The following WDPCP variants were observed in gnomAD, a reference collection of about 807,000 sequenced individuals.
WDPCP encodes WD repeat containing planar cell polarity effector.
WDPCP carries 71 observed loss-of-function variants against 93.1 expected under a neutral mutation model. The observed-to-expected ratio is 0.76, with a 90% confidence interval of 0.63 to 0.93. WDPCP has a LOEUF of 0.93. Among genes scored for constraint, WDPCP ranks in the 40% least tolerant of loss-of-function variants. The pLI, the probability that WDPCP is intolerant of heterozygous loss-of-function variation, is 0.00. For missense variants in WDPCP, 844 were observed against 887.4 expected (o/e 0.95, Z 0.62); for synonymous variants, 315 against 315.0 (o/e 1.00, Z 0.00).
At chr2:63,509,556 A>AGT (rs1702094340) in intron 1 of WDPCP, among the ~76,000 whole-genome samples, 2 of 152,202 alleles carry the variant, frequency 1.3e-5, no homozygotes, top group African/African-American at 2.4e-5. Flanking sequence ...AAAAGCTAAC[A>AGT]GAAGACAAGA....
intron 2 of WDPCP, among the ~76,000 whole-genome samples, chr2:63,666,857 G>C (rs1421345894): frequency 6.6e-6 from 1 of 152,104 alleles, no homozygotes; most frequent in African/African-American, 2.4e-5. Flanking sequence ...GGAGAATCAA[G>C]GAAATCAGCA....
At chr2:63,535,476 G>A (rs1051851372) in intron 1 of WDPCP, among the ~76,000 whole-genome samples, 69 of 152,330 alleles carry the variant, frequency 4.5e-4, no homozygotes, top group African/African-American at 1.5e-3. Context: ...CAAGGCTACG[G>A]TAACCAAAAC....
intron 3 of WDPCP, among the ~76,000 whole-genome samples, chr2:63,615,322 C>T (rs1251354404): frequency 1.3e-5 from 2 of 152,116 alleles, no homozygotes; most frequent in African/African-American, 4.8e-5. Context: ...TGCCTGCAGC[C>T]GCACCAACAA....
At chr2:63,362,274 T>TTG (rs764194233) in intron 12 of WDPCP, among the ~76,000 whole-genome samples, 1 of 57,976 alleles carries the variant, frequency 1.7e-5, no homozygotes, top group Non-Finnish European at 3.2e-5. Flanking sequence ...TTTTTTTTTT[T>TTG]GGTTGTGTGT....
chr2:63,658,458 G>A (rs908594729), intron 2 of WDPCP, among the ~76,000 whole-genome samples: 1 of 152,138 alleles, frequency 6.6e-6, no homozygotes, highest in Non-Finnish European at 1.5e-5. Flanking sequence ...TATGCAGAAA[G>A]ATCAGTAGTT....
At chr2:63,508,958 A>T (rs1702054522) in intron 1 of WDPCP, among the ~76,000 whole-genome samples, 2 of 152,170 alleles carry the variant, frequency 1.3e-5, no homozygotes, top group Non-Finnish European at 2.9e-5. Flanking sequence ...CTACAAAGAG[A>T]CTTAGACTCC....
In WDPCP at chr2:63,439,776, G is replaced by A. The variant is rs768777510; in HGVS notation, c.480C>T (p.Ile160=). The change falls in exon 7 of 18, where the codon ATC becomes ATT. Residue 160 remains isoleucine, a synonymous_variant. Coordinates refer to ENST00000272321, the MANE Select transcript of WDPCP (RefSeq NM_015910.7). ...AATTACCATCACTGATGGTGTCTGA[G>A]ATGAGCTTCCCCACCAGGCTTCTGT... is the stretch of plus-strand genomic sequence containing the variant. ...VIDRSLVGKL[I]SDTISDALLT... The A allele has an allele frequency of 9.5e-5, 154 of 1,613,028 alleles. No individual in the cohort carries two copies. The highest frequency in any genetic ancestry group is 1.0e-5 in the Non-Finnish European group (12 of 1,179,302).
intron 12 of WDPCP, among the ~76,000 whole-genome samples, chr2:63,322,367 A>G (rs1287184000): frequency 6.6e-6 from 1 of 152,184 alleles, no homozygotes; most frequent in Non-Finnish European, 1.5e-5. Context: ...GTCCCCTTCC[A>G]TGCTGTGGAA....
At chr2:63,219,980 C>A (rs973443813) in intron 14 of WDPCP, among the ~76,000 whole-genome samples, 1 of 151,508 alleles carries the variant, frequency 6.6e-6, no homozygotes, top group Non-Finnish European at 1.5e-5. Flanking sequence ...CCAGCCTGGG[C>A]GACAGAGTGA....
chr2:63,681,845 C>A (rs28775973), intron 2 of WDPCP, among the ~76,000 whole-genome samples: 1 of 152,170 alleles, frequency 6.6e-6, no homozygotes, highest in Non-Finnish European at 1.5e-5. Flanking sequence ...CAGAGAGAGA[C>A]CCTCCCTTTG....
chr2:63,418,722 A>G (rs1213990500), intron 9 of WDPCP, among the ~76,000 whole-genome samples: 1 of 152,234 alleles, frequency 6.6e-6, no homozygotes, highest in Non-Finnish European at 1.5e-5. Flanking sequence ...TAAGAAGGGG[A>G]AAAACAGTAT....
chr2:63,527,593 C>A (rs998049511), intron 1 of WDPCP, among the ~76,000 whole-genome samples: 2 of 151,912 alleles, frequency 1.3e-5, no homozygotes, highest in Non-Finnish European at 2.9e-5. Context: ...TGTATATGTG[C>A]CACATTTTCT....
At chr2:63,178,879 C>T (rs1037306154) in intron 14 of WDPCP, among the ~76,000 whole-genome samples, 1 of 152,076 alleles carries the variant, frequency 6.6e-6, no homozygotes, top group Non-Finnish European at 1.5e-5. Context: ...CACTGCGTCT[C>T]ACAAGTTTGG....
chr2:63,643,331 C>G (rs1368283291), intron 3 of WDPCP: 1 of 387,702 alleles, frequency 2.6e-6, no homozygotes, highest in Non-Finnish European at 4.9e-6. Flanking sequence ...AGGCAGATAC[C>G]CTTTCCTCAG....
At chr2:63,593,862 T>C (rs1709250782) in intron 3 of WDPCP, among the ~76,000 whole-genome samples, 1 of 152,240 alleles carries the variant, frequency 6.6e-6, no homozygotes, top group Non-Finnish European at 1.5e-5. Context: ...TATGTCTGTA[T>C]TTTGTTCAGG....
At chr2:63,154,785 T>C (rs1390554264) in intron 15 of WDPCP, among the ~76,000 whole-genome samples, 1 of 152,152 alleles carries the variant, frequency 6.6e-6, no homozygotes, top group Non-Finnish European at 1.5e-5. Flanking sequence ...TTCAGTTACT[T>C]TGCATCATCC....
rs141603470 is a variant in WDPCP, at chr2:63,769,475, A to G, written n.308+44147T>C. On this transcript the variant is annotated intron_variant and non_coding_transcript_variant, in intron 2 of 4. Transcript: ENST00000467687. ...TTTAGAAATATAATTAGTTTTTTCA[A>G]GGGCATATGGAACCTTGACCAAAAT... is the stretch of plus-strand genomic sequence containing the variant. Among the ~76,000 whole-genome samples, 20 of 152,120 alleles carry G rather than the reference A, an allele frequency of 1.3e-4. No homozygotes were observed. In the East Asian group the frequency reaches 3.9e-3, roughly 29 times the overall value.
Position 63,129,930 on chromosome 2 carries a change from GA to G in WDPCP, c.2191-7875del, listed in dbSNP as rs1670180931. ...GTATTATTTAGGGAATAATTTACAA[GA>G]AAAAAAGTCTGTACATGTTTAGGAC... On this transcript the variant is annotated intron_variant, in intron 17 of 17. Transcript: ENST00000272321. Among the ~76,000 whole-genome samples, 3 of 152,014 alleles carry G rather than the reference GA, an allele frequency of 2.0e-5. No individual in the cohort carries two copies. In the South Asian group the frequency reaches 6.2e-4, roughly 32 times the overall value.
intron 2 of WDPCP, among the ~76,000 whole-genome samples, chr2:63,755,524 C>A (rs911904206): frequency 1.4e-4 from 21 of 152,134 alleles, no homozygotes; most frequent in African/African-American, 5.1e-4. Context: ...ATCTTCAAGA[C>A]AAGAATAACT....
Sources: gnomAD v4.1 joint callset for allele counts (sites outside exome capture counted in the v4.1 genomes callset) on GRCh38, gnomAD v4.1.1 for gene constraint, MANE v1.5 for transcripts, NCBI Gene and HGNC (gene_info 2026-07-23, HGNC 2026-07-21) for gene names.